The following PDLIM1 variants were observed in gnomAD, a reference collection of about 807,000 sequenced individuals.
PDLIM1 encodes the protein PDZ and LIM domain 1.
In PDLIM1, 25 loss-of-function variants were observed where a neutral mutation model predicts 35.2. The ratio of observed to expected loss-of-function variants is 0.71; its 90% CI spans 0.52 to 0.99. PDLIM1 has a LOEUF of 0.99. Ranked by LOEUF, PDLIM1 falls within the 50% of genes least tolerant of loss-of-function variation. The pLI is 0.00. For synonymous variants in PDLIM1, 152 were observed against 154.0 expected, an observed-to-expected ratio of 0.99 and a Z score of 0.10; for missense variants, 363 against 415.3, an observed-to-expected ratio of 0.87 and a Z score of 1.09.
At chr10:95,280,052 A>C (rs1050595885) in intron 1 of PDLIM1, among the ~76,000 whole-genome samples, 7 of 152,214 alleles carry the variant, frequency 4.6e-5, no homozygotes, top group African/African-American at 1.7e-4. Context: ...TGAGCATATT[A>C]GTCCTTTTTA....
chr10:95,288,870 G>A (rs1436922493), intron 1 of PDLIM1, among the ~76,000 whole-genome samples: 1 of 152,188 alleles, frequency 6.6e-6, no homozygotes, highest in Non-Finnish European at 1.5e-5. Context: ...CTTGAGAATG[G>A]AGCTGTGCCC....
At chr10:95,245,129 A>C (rs1391948639) in intron 5 of PDLIM1, among the ~76,000 whole-genome samples, 1 of 152,198 alleles carries the variant, frequency 6.6e-6, no homozygotes, top group African/African-American at 2.4e-5. Flanking sequence ...TAAGGGCTAA[A>C]ATTTTTTTTA....
chr10:95,264,886 T>A (rs1250562572), intron 3 of PDLIM1, among the ~76,000 whole-genome samples: 1 of 152,158 alleles, frequency 6.6e-6, no homozygotes, highest in Non-Finnish European at 1.5e-5. Flanking sequence ...AAATTAACAT[T>A]CCTGTTTTCT....
chr10:95,238,767 A>C, intron 5 of PDLIM1, 82 bp from the exon 6 acceptor site: 2 of 849,700 alleles, frequency 2.4e-6, no homozygotes, highest in Non-Finnish European at 4.0e-6. Context: ...CCACTTATAA[A>C]TATATGTTCA....
chr10:95,286,389 G>A (rs1040578795), intron 1 of PDLIM1, among the ~76,000 whole-genome samples: 3 of 151,990 alleles, frequency 2.0e-5, no homozygotes, highest in Non-Finnish European at 4.4e-5. Flanking sequence ...TATTCAAAGG[G>A]TATGAAAACC....
chr10:95,287,192 G>A (rs1244519837), intron 1 of PDLIM1, among the ~76,000 whole-genome samples: 1 of 152,090 alleles, frequency 6.6e-6, no homozygotes, highest in African/African-American at 2.4e-5. Context: ...TATTTCCCAG[G>A]TATCAATTTC....
chr10:95,278,777 C>T (rs1427498279), intron 1 of PDLIM1, among the ~76,000 whole-genome samples: 1 of 152,156 alleles, frequency 6.6e-6, no homozygotes, highest in Non-Finnish European at 1.5e-5. Context: ...AACCACTGAG[C>T]CTTAGCTCTG....
chr10:95,275,335 C>A (rs2035501634), intron 1 of PDLIM1, among the ~76,000 whole-genome samples: 1 of 152,168 alleles, frequency 6.6e-6, no homozygotes, highest in East Asian at 1.9e-4. Flanking sequence ...ATTTAGCCAG[C>A]TCTACGTGTA....
chr10:95,238,112 C>T lies in PDLIM1; in HGVS notation c.804-1G>A. 3 of 1,609,328 alleles carry T rather than the reference C, an allele frequency of 1.9e-6. No homozygotes were observed. Among genetic ancestry groups the T allele is most frequent in the South Asian group, 2.2e-5 (2 of 90,722 alleles). ...GTCCCGCAGCTTCACAAACACACCACTACAGAAGCAAGGGAGGGAAGGGAC... is the reference window on the plus strand; with the variant it reads ...GTCCCGCAGCTTCACAAACACACCATTACAGAAGCAAGGGAGGGAAGGGAC... On this transcript the variant is annotated splice_acceptor_variant, in intron 6 of 6. Coordinates refer to ENST00000329399, the MANE Select transcript of PDLIM1 (RefSeq NM_020992.4). LOFTEE classifies it high-confidence loss of function.
intron 1 of PDLIM1, among the ~76,000 whole-genome samples, chr10:95,277,242 C>T (rs1190062734): frequency 2.6e-5 from 4 of 151,482 alleles, no homozygotes; most frequent in Admixed American, 2.6e-4. Flanking sequence ...ATTATATACT[C>T]ACTCCCATTA....
intron 1 of PDLIM1, among the ~76,000 whole-genome samples, chr10:95,287,006 C>A (rs2133444598): frequency 6.6e-6 from 1 of 152,328 alleles, no homozygotes; most frequent in Admixed American, 6.5e-5. Context: ...GTTCTTCCCT[C>A]TTGCCTCCTC....
chr10:95,259,352 T>C (rs2133422638), intron 4 of PDLIM1, among the ~76,000 whole-genome samples: 1 of 152,294 alleles, frequency 6.6e-6, no homozygotes, highest in East Asian at 1.9e-4. Context: ...TTGTTTTTTA[T>C]GTAGGTGGGG....
chr10:95,268,270 C>A (rs541004722), intron 3 of PDLIM1, among the ~76,000 whole-genome samples: 1 of 152,246 alleles, frequency 6.6e-6, no homozygotes, highest in African/African-American at 2.4e-5. Context: ...TTTAAAGTCT[C>A]ACTAGAAGTT....
chr10:95,240,994 A>G (rs2035172986), intron 5 of PDLIM1, among the ~76,000 whole-genome samples: 1 of 147,206 alleles, frequency 6.8e-6, no homozygotes, highest in Non-Finnish European at 1.5e-5. Flanking sequence ...ATGGGGCCTA[A>G]GACTGCATTT....
chr10:95,287,989 TA>T (rs1407726281), intron 1 of PDLIM1, among the ~76,000 whole-genome samples: 1 of 152,032 alleles, frequency 6.6e-6, no homozygotes, highest in African/African-American at 2.4e-5. Flanking sequence ...TTGGGATACC[TA>T]ATTTAGGTGG....
chr10:95,266,007 T>C (rs945606076), intron 3 of PDLIM1, among the ~76,000 whole-genome samples: 1 of 152,118 alleles, frequency 6.6e-6, no homozygotes, highest in African/African-American at 2.4e-5. Flanking sequence ...AAGACCAGCC[T>C]GGCCAACATG....
At chr10:95,276,879 A>G (rs1478163446) in intron 1 of PDLIM1, among the ~76,000 whole-genome samples, 1 of 126,524 alleles carries the variant, frequency 7.9e-6, no homozygotes, top group Non-Finnish European at 1.6e-5. Context: ...CTCATAATAG[A>G]GTCAGCTTCA....
At chr10:95,284,054 C>A (rs1478696630) in intron 1 of PDLIM1, among the ~76,000 whole-genome samples, 1 of 151,356 alleles carries the variant, frequency 6.6e-6, no homozygotes, top group African/African-American at 2.4e-5. Context: ...AATTTCTTCA[C>A]TCTTGTTGCT....
intron 4 of PDLIM1, among the ~76,000 whole-genome samples, chr10:95,255,369 ATT>A (rs2035303854): frequency 6.6e-6 from 1 of 151,674 alleles, no homozygotes; most frequent in African/African-American, 2.4e-5. Context: ...ACTAATGAAT[ATT>A]GATGCAAAAA....
Sources: gnomAD v4.1 joint callset for allele counts (sites outside exome capture counted in the v4.1 genomes callset) on GRCh38, gnomAD v4.1.1 for gene constraint, MANE v1.5 for transcripts, NCBI Gene and HGNC (gene_info 2026-07-23, HGNC 2026-07-21) for gene names.